Variants in NAXE observed in about 807,000 individuals in gnomAD.
The protein encoded by NAXE is NAD(P)H-hydrate epimerase.
NAXE carries 25 observed loss-of-function variants against 31.2 expected under a neutral mutation model. That is an observed-to-expected ratio of 0.80 (90% CI 0.58 to 1.12). NAXE has a LOEUF of 1.12. NAXE is among the 50% of genes most tolerant of loss of function. The pLI is 0.00. For missense variants in NAXE, 362 were observed against 376.1 expected (o/e 0.96, Z 0.31); for synonymous variants, 144 against 154.5 (o/e 0.93, Z 0.50).
In NAXE at chr1:156,594,232, G is replaced by A. The variant is rs1677430415; in HGVS notation, c.*148G>A. The A allele has an allele frequency of 3.9e-6, 3 of 766,016 alleles. No individual in the cohort carries two copies. The highest frequency in any genetic ancestry group is 6.3e-6 in the Non-Finnish European group (3 of 479,054). 47.5% of individuals were successfully genotyped at this position (766,016 alleles called of 1,614,324 possible). ...TGGGGATTGGGTGCCATCTCTCTAG[G>A]GGTAACACAAAGGGCAAGAGGTTGC... On this transcript the variant is annotated 3_prime_UTR_variant, in exon 6 of 6. Transcript: ENST00000368235.
Position 156,593,532 on chromosome 1 carries a change from T to C in NAXE, c.641T>C (p.Ile214Thr), listed in dbSNP as rs200378020. The change falls in exon 5 of 6, where the codon ATT becomes ACT. Residue 214 changes from isoleucine (I) to threonine (T), a missense_variant. By Grantham distance (89) the Ile-to-Thr change is moderately conservative (BLOSUM62 -1). Coordinates refer to ENST00000368235, the MANE Select transcript of NAXE (RefSeq NM_144772.3). ...LSVLKGLTVP[I>T]ASIDIPSGWD... ...GTCCTGAAGGGACTCACTGTGCCCA[T>C]TGCCAGCATCGACATTCCCTCAGGT... 182 of 1,614,042 alleles carry C rather than the reference T, an allele frequency of 1.1e-4. 1 individual carries two copies. The highest frequency in any genetic ancestry group is 1.2e-4 in the Non-Finnish European group (141 of 1,180,030).
chr1:156,593,944 G>T lies in NAXE; in HGVS notation c.727G>T (p.Ala243Ser). ...IQPDLLISLT[A>S]PKKSATQFTG... ...GCCAGACTTGCTCATATCCCTCACA[G>T]CCCCCAAAAAATCTGCAACCCAGTT... The change falls in exon 6 of 6, where the codon GCC becomes TCC. Residue 243 changes from alanine (A) to serine (S), a missense_variant. Transcript: ENST00000368235. 1.9e-6 allele frequency: 3 copies of T among 1,614,152 alleles called. No homozygotes were observed. The highest frequency in any genetic ancestry group is 2.5e-6 in the Non-Finnish European group (3 of 1,180,016).
chr1:156,594,298 A>G lies in NAXE; in HGVS notation c.*214A>G, dbSNP rs1677432066. ...CAATGAAAATGGACTGTTAGATGCCAAGTGAGTTGTGCTGTCCTTTACACA... is the reference window on the plus strand; with the variant it reads ...CAATGAAAATGGACTGTTAGATGCCGAGTGAGTTGTGCTGTCCTTTACACA... On this transcript the variant is annotated 3_prime_UTR_variant, in exon 6 of 6. Transcript: ENST00000368235. The G allele has an allele frequency of 1.7e-6, 1 of 579,124 alleles. No individual in the cohort carries two copies. The highest frequency in any genetic ancestry group is 2.9e-5 in the East Asian group (1 of 34,256). 35.9% of individuals were successfully genotyped at this position (579,124 alleles called of 1,614,324 possible).
Position 156,593,419 on chromosome 1 carries a change from T to C in NAXE, c.528T>C (p.Ile176=). Residue 176 remains isoleucine (I), a synonymous_variant, in exon 5 of 6, where the codon ATT becomes ATC. Coordinates refer to ENST00000368235, the MANE Select transcript of NAXE (RefSeq NM_144772.3). ...LGEMPAEPMT[I]DELYELVVDA... Reference sequence around the variant, plus strand: ...CTGCTCCACCACAGCCCATGACGATTGATGAACTGTATGAGCTGGTGGTGG... The same window carrying C: ...CTGCTCCACCACAGCCCATGACGATCGATGAACTGTATGAGCTGGTGGTGG... The C allele has an allele frequency of 6.2e-7, 1 of 1,613,980 alleles. No homozygotes were observed. The highest frequency in any genetic ancestry group is 8.5e-7 in the Non-Finnish European group (1 of 1,179,918).
In NAXE at chr1:156,593,894, A is replaced by G. The variant is rs1270217397; in HGVS notation, c.677A>G (p.Glu226Gly). 1 of 1,614,104 alleles carries G rather than the reference A, an allele frequency of 6.2e-7. No homozygotes were observed. The highest frequency in any genetic ancestry group is 2.2e-5 in the East Asian group (1 of 44,890). The change falls in exon 6 of 6, where the codon GAG (glutamate) becomes GGG (glycine). Residue 226 changes from glutamate to glycine, a missense_variant. Physicochemically the swap from Glu to Gly is moderately conservative, Grantham distance 98. Transcript: ENST00000368235. The part of the protein sequence containing the change: ...SIDIPSGWDV[E>G]KGNAGGIQPD... ...ACCCTCTTTTCAGGATGGGACGTGG[A>G]GAAGGGAAATGCTGGAGGGATCCAG...
At chr1:156,593,756 C>A in intron 5 of NAXE, 126 bp from the exon 6 acceptor site, 1 of 1,324,262 alleles carries the variant, frequency 7.6e-7, no homozygotes, top group Non-Finnish European at 1.1e-6. Context: ...GTACGTGGAG[C>A]TCGTTGGACG....
intron 4 of NAXE, 35 bp from the exon 5 acceptor site, chr1:156,593,373 G>C (rs1431451464): frequency 6.3e-7 from 1 of 1,596,966 alleles, no homozygotes; most frequent in Non-Finnish European, 8.5e-7. Context: ...TTGTGCAGCT[G>C]CTGGCTCTGA....
rs2102491095 is a variant in NAXE at position 156,593,451 on chromosome 1, T to C, written c.560T>C (p.Ile187Thr). ...CTGTATGAGCTGGTGGTGGATGCCATCTTTGGCTTCAGCTTCAAGGGCGAT... is the reference window on the plus strand; with the variant it reads ...CTGTATGAGCTGGTGGTGGATGCCACCTTTGGCTTCAGCTTCAAGGGCGAT... ...DELYELVVDAIFGFSFKGDVR... is the reference protein window; with the variant it reads ...DELYELVVDATFGFSFKGDVR... Residue 187 changes from isoleucine (I) to threonine (T), a missense_variant, in exon 5 of 6, where the codon ATC becomes ACC. Transcript: ENST00000368235. 1.2e-6 allele frequency: 2 copies of C among 1,614,186 alleles called. No homozygotes were observed. The highest frequency in any genetic ancestry group is 1.7e-6 in the Non-Finnish European group (2 of 1,180,020).
intron 4 of NAXE, 125 bp from the exon 5 acceptor site, chr1:156,593,270 AGGCCTCAGGCTGC>A (rs1339923191): frequency 8.8e-7 from 1 of 1,140,744 alleles, no homozygotes; most frequent in Admixed American, 3.1e-5. Context: ...CACTTTCTCT[AGGCCTCAGGCTGC>A]CCTCTGAATG....
rs1414853590 is a variant in NAXE, at chr1:156,591,786, C to CCGGGGGA, written c.-19_-18insCGGGGGA. The CCGGGGGA allele has an allele frequency of 5.0e-5, 68 of 1,350,220 alleles. No homozygotes were observed. The Middle Eastern group carries it at 1.0e-3, about 21-fold the overall frequency. The allele number at this position is 1,350,220 out of a possible 1,614,324, so 83.6% of individuals were successfully genotyped here. A position where few individuals can be genotyped will look rare whatever the true frequency, so the allele number is the denominator to read the frequency against. The stretch of plus-strand genomic sequence containing the variant: ...CGCCGGGGCCGGGCCGGGCCGGGGG[C>CCGGGGGA]GCGCGCTCTGCGAGCTGGATGTCCA... On this transcript the variant is annotated 5_prime_UTR_variant, in exon 1 of 6. Coordinates refer to ENST00000368235, the MANE Select transcript of NAXE (RefSeq NM_144772.3).
chr1:156,593,307 G>C (rs1677394235), intron 4 of NAXE, 101 bp from the exon 5 acceptor site: 1 of 1,443,862 alleles, frequency 6.9e-7, no homozygotes, highest in African/African-American at 1.4e-5. Context: ...CACAATACTT[G>C]TGCCTCTGAG....
chr1:156,592,728 C>A, intron 4 of NAXE, 58 bp downstream of exon 4: 1 of 1,468,710 alleles, frequency 6.8e-7, no homozygotes, highest in South Asian at 1.2e-5. Flanking sequence ...GTGCTCTGCT[C>A]TTCCTTCGTG....
In NAXE at chr1:156,593,619, A is replaced by G. The variant is rs548452532; in HGVS notation, c.664+64A>G. On this transcript the variant is annotated intron_variant, in intron 5 of 5. Transcript: ENST00000368235. ...CCCTACCCTCCTGACTCTTGCCCAC[A>G]CCAGGTCTAAAATAATTTTAGTCTA... 24 of 1,600,012 alleles carry G rather than the reference A, an allele frequency of 1.5e-5. No homozygotes were observed. The East Asian group carries it at 2.7e-4, about 18-fold the overall frequency.
At position 156,593,973 on chromosome 1, in the gene NAXE, CG is replaced by C. The variant is rs1677418988; in HGVS notation, c.758del (p.Gly253ValfsTer21). The C allele has an allele frequency of 1.9e-6, 3 of 1,614,158 alleles. No individual in the cohort carries two copies. Among genetic ancestry groups the C allele is most frequent in the Non-Finnish European group, 2.5e-6 (3 of 1,180,030 alleles). ...CCAAAAAATCTGCAACCCAGTTTAC[CG>C]GTCGCTACCATTACCTGGGGGGTCG... Reference protein sequence around the residue: ...APKKSATQFTGRYHYLGGRFV... With the variant: ...APKKSATQFTXRYHYLGGRFV... On this transcript the variant is annotated frameshift_variant, in exon 6 of 6. Coordinates refer to ENST00000368235, the MANE Select transcript of NAXE (RefSeq NM_144772.3). LOFTEE classifies it high-confidence loss of function.
At chr1:156,593,750 G>A (rs112350365) in intron 5 of NAXE, 132 bp from the exon 6 acceptor site, 135 of 1,318,010 alleles carry the variant, frequency 1.0e-4, no homozygotes, top group African/African-American at 2.5e-4. Flanking sequence ...CCAAGGGTAC[G>A]TGGAGCTCGT....
At position 156,591,977 on chromosome 1, in the gene NAXE, A is replaced by T; in HGVS notation, c.173A>T (p.Lys58Met). The T allele has an allele frequency of 6.2e-6, 10 of 1,613,222 alleles. No individual in the cohort carries two copies. The highest frequency in any genetic ancestry group is 8.5e-6 in the Non-Finnish European group (10 of 1,179,740). ...DSEVMASTVV[K>M]YLSQEEAQAV... Reference sequence around the variant, plus strand: ...GAGGTCATGGCGAGCACGGTGGTGAAGTACCTGAGGTAGGCACGGGTCTCG... The same window carrying T: ...GAGGTCATGGCGAGCACGGTGGTGATGTACCTGAGGTAGGCACGGGTCTCG... The change falls in exon 1 of 6, where the codon AAG (lysine) becomes ATG (methionine). Residue 58 changes from lysine (K) to methionine (M), a missense_variant. Coordinates refer to ENST00000368235, the MANE Select transcript of NAXE (RefSeq NM_144772.3).
At chr1:156,593,640 G>A in intron 5 of NAXE, 85 bp downstream of exon 5, 2 of 1,565,022 alleles carry the variant, frequency 1.3e-6, no homozygotes, top group Non-Finnish European at 1.7e-6. Context: ...AATAATTTTA[G>A]TCTAGAGGGG....
Position 156,592,591 on chromosome 1 carries a change from C to T in NAXE, c.437C>T (p.Pro146Leu). 1 of 1,614,168 alleles carries T rather than the reference C, an allele frequency of 6.2e-7. No homozygotes were observed. Among genetic ancestry groups the T allele is most frequent in the Non-Finnish European group, 8.5e-7 (1 of 1,180,016 alleles). ...CCAACCATCTATTACCCCAAAAGGC[C>T]TAACAAGCCCCTCTTCACTGCATTG... Reference protein sequence around the residue: ...YEPTIYYPKRPNKPLFTALVT... With the variant: ...YEPTIYYPKRLNKPLFTALVT... The change falls in exon 4 of 6, where the codon CCT becomes CTT. Residue 146 changes from proline (P) to leucine (L), a missense_variant. Coordinates refer to ENST00000368235, the MANE Select transcript of NAXE (RefSeq NM_144772.3).
rs756284179 is a variant in NAXE, at chr1:156,592,423, C to G, written c.350C>G (p.Pro117Arg). 6.2e-7 allele frequency: 1 copy of G among 1,614,134 alleles called. No individual in the cohort carries two copies. The highest frequency in any genetic ancestry group is 8.5e-7 in the Non-Finnish European group (1 of 1,180,028). ...SPPTVLVICG[P>R]GNNGGDGLVC... is the part of the protein sequence containing the mutation. ...CCTACTGTCCTGGTCATCTGTGGCCCGGGGAATAATGGAGGAGATGGTCTG... is the reference window on the plus strand; with the variant it reads ...CCTACTGTCCTGGTCATCTGTGGCCGGGGGAATAATGGAGGAGATGGTCTG... The change falls in exon 3 of 6, where the codon CCG becomes CGG. Residue 117 changes from proline (P) to arginine (R), a missense_variant. Physicochemically the swap from Pro to Arg is moderately radical, Grantham distance 103. Coordinates refer to ENST00000368235, the MANE Select transcript of NAXE (RefSeq NM_144772.3).
Sources: gnomAD v4.1 joint callset for allele counts on GRCh38, gnomAD v4.1.1 for gene constraint, MANE v1.5 for transcripts, NCBI Gene and HGNC (gene_info 2026-07-23, HGNC 2026-07-21) for gene names.